Variants in CUX2 observed in about 807,000 individuals in gnomAD.
CUX2 encodes cut like homeobox 2.
Under a neutral mutation model 144.8 loss-of-function variants are expected in CUX2, and 40 were observed. That is an observed-to-expected ratio of 0.28 (90% CI 0.21 to 0.36). CUX2 has a LOEUF of 0.36. Ranked by LOEUF, CUX2 falls within the 10% of genes least tolerant of loss-of-function variation. CUX2 has a pLI of 1.00. For missense variants in CUX2, 1,615 were observed against 1,994.0 expected (o/e 0.81, Z 3.62); for synonymous variants, 827 against 875.6 (o/e 0.94, Z 0.98).
chr12:111,315,929 G>A (rs571770437), intron 16 of CUX2, among the ~76,000 whole-genome samples: 6 of 152,200 alleles, frequency 3.9e-5, no homozygotes, highest in South Asian at 4.2e-4. Flanking sequence ...TCCACATATC[G>A]AGTATGATCA....
chr12:111,131,529 A>C (rs1323628775), intron 1 of CUX2, among the ~76,000 whole-genome samples: 1 of 152,168 alleles, frequency 6.6e-6, no homozygotes, highest in Non-Finnish European at 1.5e-5. Context: ...CCACAGTCCA[A>C]AGTCTCATCT....
At chr12:111,174,814 C>T (rs1000334435) in intron 1 of CUX2, among the ~76,000 whole-genome samples, 2 of 152,154 alleles carry the variant, frequency 1.3e-5, no homozygotes, top group African/African-American at 4.8e-5. Flanking sequence ...CAGCCTTCCC[C>T]AGGATGATGA....
Position 111,307,264 on chromosome 12 carries a change from T to C in CUX2, c.1109+7T>C, listed in dbSNP as rs551136070. ...AAATTAAAACGGAGCTGAGGTACCA[T>C]GTGGGGTGGGGCTCCACAGACCCTC... On this transcript the variant is annotated splice_region_variant and intron_variant, in intron 12 of 21. Coordinates refer to ENST00000261726, the MANE Select transcript of CUX2 (RefSeq NM_015267.4). The surrounding 1 kb of genome is among the most constrained non-coding windows in gnomAD (Gnocchi z 4.1). The C allele has an allele frequency of 1.9e-6, 3 of 1,613,822 alleles. No individual in the cohort carries two copies. In the Admixed American group the frequency reaches 5.0e-5, roughly 27 times the overall value.
At chr12:111,267,252 C>T (rs575828904) in intron 4 of CUX2, among the ~76,000 whole-genome samples, 1 of 149,654 alleles carries the variant, frequency 6.7e-6, no homozygotes, top group Admixed American at 6.7e-5. Flanking sequence ...GGAAGGACTA[C>T]AGAGTCTCAG....
intron 1 of CUX2, among the ~76,000 whole-genome samples, chr12:111,091,009 G>A (rs1195635968): frequency 6.6e-6 from 1 of 152,148 alleles, no homozygotes; most frequent in Non-Finnish European, 1.5e-5. Context: ...TTAAGGCCAC[G>A]GGGGAGTGAA....
intron 1 of CUX2, chr12:111,100,092 T>C (rs758873829): frequency 8.8e-6 from 4 of 456,304 alleles, no homozygotes; most frequent in Non-Finnish European, 1.8e-5. Flanking sequence ...TGGACGGCTC[T>C]GGAGAGGAGG....
intron 1 of CUX2, among the ~76,000 whole-genome samples, chr12:111,051,283 T>A (rs569454421): frequency 1.4e-4 from 21 of 152,312 alleles, no homozygotes; most frequent in African/African-American, 1.9e-4. Context: ...TTCTATTTTC[T>A]TGTTGATTTT....
At position 111,149,090 on chromosome 12, in the gene CUX2, A is replaced by G. The variant is rs537484460; in HGVS notation, c.64-65110A>G. On this transcript the variant is annotated intron_variant, in intron 1 of 21. Transcript: ENST00000261726. ...TCAGAGAGGCTAAATCATTTCTCCA[A>G]AGTCACACAGCCAGCAGCAAGTGGC... Among the ~76,000 whole-genome samples the G allele has an allele frequency of 2.2e-3, 336 of 152,248 alleles. 2 individuals are homozygous for G. The highest frequency in any genetic ancestry group is 3.5e-3 in the South Asian group (17 of 4,822).
At chr12:111,040,603 A>G (rs1245932985) in intron 1 of CUX2, among the ~76,000 whole-genome samples, 2 of 152,032 alleles carry the variant, frequency 1.3e-5, no homozygotes, top group African/African-American at 4.8e-5. Context: ...AGAAGCTTCC[A>G]CCACTGTTTC....
chr12:111,346,799 G>A (rs1451706496), intron 21 of CUX2, among the ~76,000 whole-genome samples: 1 of 152,154 alleles, frequency 6.6e-6, no homozygotes, highest in Non-Finnish European at 1.5e-5. Context: ...GATCACCTGA[G>A]GTCTGGAGTT....
At chr12:111,049,341 C>A (rs1013056537) in intron 1 of CUX2, among the ~76,000 whole-genome samples, 3 of 152,230 alleles carry the variant, frequency 2.0e-5, no homozygotes, top group African/African-American at 7.2e-5. Context: ...ATTTGTGCAT[C>A]CAACAAAAAT....
intron 4 of CUX2, among the ~76,000 whole-genome samples, chr12:111,266,798 G>C (rs891489072): frequency 6.6e-6 from 1 of 152,200 alleles, no homozygotes; most frequent in African/African-American, 2.4e-5. Flanking sequence ...CTTGCCCTCC[G>C]ACAGCGTGTG....
intron 1 of CUX2, among the ~76,000 whole-genome samples, chr12:111,131,003 A>C (rs1875435501): frequency 6.6e-6 from 1 of 152,206 alleles, no homozygotes. Flanking sequence ...AGAAAACTCA[A>C]GTTGTTCTTT....
chr12:111,306,814 C>T, intron 10 of CUX2, 107 bp from the exon 11 acceptor site: 3 of 871,770 alleles, frequency 3.4e-6, no homozygotes, highest in Non-Finnish European at 5.4e-6. Flanking sequence ...ATACCATCAT[C>T]CAGATCAACA....
At chr12:111,126,176 T>C (rs1164931253) in intron 1 of CUX2, among the ~76,000 whole-genome samples, 1 of 151,834 alleles carries the variant, frequency 6.6e-6, no homozygotes, top group Non-Finnish European at 1.5e-5. Flanking sequence ...GGACATAATC[T>C]TGGCTCACTG....
In CUX2 at chr12:111,342,018, G is replaced by A. The variant is rs1190042934; in HGVS notation, c.3624G>A (p.Lys1208=). 1 of 1,613,998 alleles carries A rather than the reference G, an allele frequency of 6.2e-7. No individual in the cohort carries two copies. The highest frequency in any genetic ancestry group is 1.1e-5 in the South Asian group (1 of 91,062). ...IELLSFQLNL[K]TNTVINWFHN... Reference sequence around the variant, plus strand: ...TCCTCTCCTTCCAGCTCAACCTCAAGACCAACACCGTCATCAACTGGTTCC... The same window carrying A: ...TCCTCTCCTTCCAGCTCAACCTCAAAACCAACACCGTCATCAACTGGTTCC... Residue 1208 remains lysine (K), a synonymous_variant, in exon 21 of 22, where the codon AAG becomes AAA. Transcript: ENST00000261726.
At chr12:111,237,289 C>T (rs1882804684) in intron 3 of CUX2, among the ~76,000 whole-genome samples, 1 of 152,250 alleles carries the variant, frequency 6.6e-6, no homozygotes, top group African/African-American at 2.4e-5. Flanking sequence ...TGCCAGGCTT[C>T]TGAGCCTTTG....
chr12:111,104,547 C>T (rs1399318125), intron 1 of CUX2, among the ~76,000 whole-genome samples: 1 of 152,212 alleles, frequency 6.6e-6, no homozygotes, highest in African/African-American at 2.4e-5. Flanking sequence ...CAGCTCTTCA[C>T]CCTCTGGCTG....
intron 14 of CUX2, 145 bp downstream of exon 14, chr12:111,308,671 G>C: frequency 2.9e-6 from 2 of 687,790 alleles, no homozygotes; most frequent in Non-Finnish European, 2.5e-6. Context: ...GGCACCTGCT[G>C]TATGCCTGTC....
Sources: gnomAD v4.1 joint callset for allele counts (sites outside exome capture counted in the v4.1 genomes callset) on GRCh38, gnomAD v4.1.1 for gene constraint, Gnocchi (gnomAD v3.1) non-coding constraint, MANE v1.5 for transcripts, NCBI Gene and HGNC (gene_info 2026-07-23, HGNC 2026-07-21) for gene names.